PTPRD: variants seen among roughly 807,000 people sequenced by gnomAD.
The protein encoded by PTPRD is protein tyrosine phosphatase receptor type D.
PTPRD carries 34 observed loss-of-function variants against 214.5 expected under a neutral mutation model. The ratio of observed to expected loss-of-function variants is 0.16; its 90% CI spans 0.12 to 0.21. The LOEUF (loss-of-function observed/expected upper bound fraction) is 0.21. Ranked by LOEUF, PTPRD falls within the 10% of genes least tolerant of loss-of-function variation. The probability of loss-of-function intolerance (pLI) is 1.00; values close to 1 mark genes in which losing one functional copy is unlikely to be tolerated. For synonymous variants in PTPRD, 1,128 were observed against 845.7 expected, an observed-to-expected ratio of 1.33 and a Z score of -5.79; for missense variants, 2,545 against 2,398.7, an observed-to-expected ratio of 1.06 and a Z score of -1.27.
intron 14 of PTPRD, among the ~76,000 whole-genome samples, chr9:8,595,104 C>T (rs1334638173): frequency 6.6e-6 from 1 of 151,228 alleles, no homozygotes; most frequent in Non-Finnish European, 1.5e-5. Context: ...ACCTCATGAT[C>T]TGCCCGCCTC....
chr9:9,898,898 C>G (rs2075714639), intron 5 of PTPRD, among the ~76,000 whole-genome samples: 1 of 151,948 alleles, frequency 6.6e-6, no homozygotes, highest in Admixed American at 6.6e-5. Context: ...TTACGCATAT[C>G]CCATATTCTC....
At chr9:10,522,088 G>A (rs1234790753) in intron 2 of PTPRD, among the ~76,000 whole-genome samples, 3 of 152,104 alleles carry the variant, frequency 2.0e-5, no homozygotes, top group East Asian at 3.9e-4. Context: ...GGGAGATTAG[G>A]TGTGAAGGAA....
intron 2 of PTPRD, among the ~76,000 whole-genome samples, chr9:10,531,790 T>C (rs986255589): frequency 1.3e-5 from 2 of 152,196 alleles, no homozygotes; most frequent in African/African-American, 4.8e-5. Context: ...AATTGTAGCT[T>C]TGCTGCAATA....
At chr9:9,322,835 G>T (rs1248807407) in intron 9 of PTPRD, among the ~76,000 whole-genome samples, 1 of 152,138 alleles carries the variant, frequency 6.6e-6, no homozygotes, top group Admixed American at 6.6e-5. Context: ...GCATGTAAGA[G>T]TGAGTCATTT....
chr9:10,158,231 A>C (rs1167237503), intron 3 of PTPRD, among the ~76,000 whole-genome samples: 2 of 151,468 alleles, frequency 1.3e-5, no homozygotes, highest in Non-Finnish European at 2.9e-5. Context: ...CTGTTCTCGA[A>C]CTCCTGACCT....
At chr9:8,829,562 T>A (rs2097246207) in intron 11 of PTPRD, among the ~76,000 whole-genome samples, 1 of 152,176 alleles carries the variant, frequency 6.6e-6, no homozygotes, top group South Asian at 2.1e-4. Flanking sequence ...ATAACACACA[T>A]CACACTGGGT....
chr9:8,469,092 G>T (rs12341471), intron 31 of PTPRD, among the ~76,000 whole-genome samples: 6,458 of 152,006 alleles, frequency 0.042, 440 homozygotes, highest in African/African-American at 0.15. Context: ...TTAATAAAAT[G>T]TTCTTTATCA....
At chr9:9,767,621 A>G (rs1181745479) in intron 5 of PTPRD, among the ~76,000 whole-genome samples, 2 of 152,112 alleles carry the variant, frequency 1.3e-5, no homozygotes, top group African/African-American at 2.4e-5. Flanking sequence ...TTTCAATTAA[A>G]TGTAGAAGGA....
chr9:9,829,454 C>T (rs1453637281), intron 5 of PTPRD, among the ~76,000 whole-genome samples: 5 of 151,718 alleles, frequency 3.3e-5, no homozygotes, highest in South Asian at 2.1e-4. Context: ...TTTAATATCC[C>T]AATTCCTCTG....
At chr9:9,216,869 G>T (rs1409366253) in intron 9 of PTPRD, among the ~76,000 whole-genome samples, 1 of 151,948 alleles carries the variant, frequency 6.6e-6, no homozygotes, top group Non-Finnish European at 1.5e-5. Context: ...AATTTAAAAT[G>T]GAACAGTTAA....
chr9:9,913,369 G>A (rs982262214), intron 5 of PTPRD, among the ~76,000 whole-genome samples: 1 of 152,008 alleles, frequency 6.6e-6, no homozygotes, highest in Non-Finnish European at 1.5e-5. Context: ...TAAATTGCAG[G>A]AGGCATAAAA....
intron 9 of PTPRD, among the ~76,000 whole-genome samples, chr9:9,314,076 G>C (rs561426428): frequency 6.6e-6 from 1 of 152,078 alleles, no homozygotes; most frequent in Non-Finnish European, 1.5e-5. Flanking sequence ...CCTGCCTATT[G>C]TCAGTACTAG....
At chr9:9,444,866 C>CTCAGGAGG (rs1246311219) in intron 8 of PTPRD, among the ~76,000 whole-genome samples, 1 of 150,774 alleles carries the variant, frequency 6.6e-6, no homozygotes, top group African/African-American at 2.5e-5. Context: ...TTAAAGAATA[C>CTCAGGAGG]ATGCCTACTT....
intron 7 of PTPRD, among the ~76,000 whole-genome samples, chr9:9,656,074 C>T (rs1168335546): frequency 6.6e-6 from 1 of 152,130 alleles, no homozygotes; most frequent in African/African-American, 2.4e-5. Context: ...CAATGCGGTA[C>T]CACTACGATC....
intron 14 of PTPRD, among the ~76,000 whole-genome samples, chr9:8,549,928 T>C (rs1239582094): frequency 6.6e-6 from 1 of 152,190 alleles, no homozygotes; most frequent in Non-Finnish European, 1.5e-5. Context: ...CAGATCTCCA[T>C]TCATATAGTT....
chr9:10,436,721 T>G (rs994533461), intron 2 of PTPRD, among the ~76,000 whole-genome samples: 1 of 151,734 alleles, frequency 6.6e-6, no homozygotes, highest in Admixed American at 6.6e-5. Flanking sequence ...CTTCAGCTTG[T>G]CTCTATTATT....
intron 5 of PTPRD, among the ~76,000 whole-genome samples, chr9:9,875,876 G>T (rs774406752): frequency 6.6e-6 from 1 of 152,106 alleles, no homozygotes; most frequent in Non-Finnish European, 1.5e-5. Flanking sequence ...GAAATGCAGA[G>T]ATTGGTGAAT....
At chr9:8,714,827 G>A (rs1233423370) in intron 12 of PTPRD, among the ~76,000 whole-genome samples, 1 of 151,802 alleles carries the variant, frequency 6.6e-6, no homozygotes, top group Non-Finnish European at 1.5e-5. Context: ...TAATACTTAG[G>A]TCACCTTTGA....
rs1372672783 is a variant in PTPRD, at chr9:10,131,739, TG to T, written c.-544-97950del. Among the ~76,000 whole-genome samples the T allele has an allele frequency of 3.3e-5, 5 of 152,248 alleles. No homozygotes were observed. In the East Asian group the frequency reaches 9.7e-4, roughly 29 times the overall value. On this transcript the variant is annotated intron_variant, in intron 3 of 45. Coordinates refer to ENST00000381196, the MANE Select transcript of PTPRD (RefSeq NM_002839.4). ...TGTGGAATTGTGAAGGGCACAGTAATGGTAGAAAGTCATGGAAGATGTACTA... is the reference window on the plus strand; with the variant it reads ...TGTGGAATTGTGAAGGGCACAGTAATGTAGAAAGTCATGGAAGATGTACTA...
Sources: allele counts gnomAD v4.1 joint callset (sites outside exome capture counted in the v4.1 genomes callset), GRCh38; gene constraint gnomAD v4.1.1; transcripts MANE v1.5; gene names NCBI Gene and HGNC (gene_info 2026-07-23, HGNC 2026-07-21).